ANKRD30A: variants seen among roughly 807,000 people sequenced by gnomAD.
ANKRD30A encodes the protein ankyrin repeat domain 30A.
In ANKRD30A, 170 loss-of-function variants were observed where a neutral mutation model predicts 166.3. The observed-to-expected ratio is 1.02, with a 90% CI of 0.90 to 1.16. The LOEUF is 1.16. ANKRD30A is among the 50% of genes most tolerant of loss of function. ANKRD30A has a pLI of 0.00. For synonymous variants in ANKRD30A, 564 were observed against 508.9 expected, an observed-to-expected ratio of 1.11 and a Z score of -1.46; for missense variants, 1,630 against 1,518.0, an observed-to-expected ratio of 1.07 and a Z score of -1.23.
intron 25 of ANKRD30A, among the ~76,000 whole-genome samples, chr10:37,190,275 T>C (rs1007078406): frequency 6.6e-6 from 1 of 151,904 alleles, no homozygotes. Context: ...TCTCAGGTGA[T>C]GCTGATGCTG....
the ANKRD30A span, among the ~76,000 whole-genome samples, chr10:37,251,799 G>A: frequency 6.6e-6 from 1 of 152,140 alleles, no homozygotes; most frequent in Non-Finnish European, 1.5e-5. Flanking sequence ...ATTTTAGAGA[G>A]AATTTTCAAA....
At chr10:37,218,948 T>C in intron 33 of ANKRD30A, 32 bp from the exon 34 acceptor site, 1 of 1,386,984 alleles carries the variant, frequency 7.2e-7, no homozygotes, top group Non-Finnish European at 9.9e-7. Context: ...TTTTATTGAG[T>C]GCTAGCTAAA....
At chr10:37,133,094 A>G (rs1836474605) in intron 4 of ANKRD30A, among the ~76,000 whole-genome samples, 1 of 152,124 alleles carries the variant, frequency 6.6e-6, no homozygotes, top group East Asian at 1.9e-4. Flanking sequence ...GAAGAATATT[A>G]ATTTTAGGTT....
chr10:37,261,981 C>T, the ANKRD30A span: 5 of 153,028 alleles, frequency 3.3e-5, no homozygotes, highest in African/African-American at 1.2e-4. Flanking sequence ...GTGGCTTGTA[C>T]TTCTCTAAAC....
the ANKRD30A span, among the ~76,000 whole-genome samples, chr10:37,253,649 C>CTTTTTTT: frequency 1.5e-5 from 2 of 130,030 alleles, no homozygotes; most frequent in African/African-American, 2.8e-5. Context: ...TTTTCTTTTT[C>CTTTTTTT]TTTTTTTTTT....
downstream of ANKRD30A, chr10:37,232,631 A>T (rs1266988174): frequency 1.8e-5 from 2 of 113,950 alleles, no homozygotes; most frequent in Non-Finnish European, 3.7e-5. Context: ...CAATGACAAG[A>T]TGTATAAATT....
At position 37,219,387 on chromosome 10, in the gene ANKRD30A, T is replaced by C. The variant is rs1242624746; in HGVS notation, c.3675T>C (p.Ile1225=). The C allele has an allele frequency of 1.9e-6, 3 of 1,610,470 alleles. No homozygotes were observed. In the Admixed American group the frequency reaches 5.0e-5, roughly 27 times the overall value. Residue 1225 remains isoleucine, a synonymous_variant, in exon 34 of 36, where the codon ATT becomes ATC. Coordinates refer to ENST00000361713, the MANE Select transcript of ANKRD30A (RefSeq NM_052997.3). The part of the protein sequence containing the change: ...SRKSQEPAFH[I]AGDACLQRKM... ...AAAGTCAAGAACCTGCTTTCCACAT[T>C]GCAGGAGATGCTTGTTTGCAAAGAA... is the stretch of plus-strand genomic sequence containing the variant.
Position 37,231,473 on chromosome 10 carries a change from A to G in ANKRD30A, c.*4A>G. ...GCAATCTTCACAGAACTCATGAGAG[A>G]CAAGCAGTAAGAAACTTCTTTTGGA... On this transcript the variant is annotated 3_prime_UTR_variant, in exon 35 of 36. Transcript: ENST00000361713. 6.3e-7 allele frequency: 1 copy of G among 1,586,582 alleles called. No individual in the cohort carries two copies. Among genetic ancestry groups the G allele is most frequent in the Non-Finnish European group, 8.6e-7 (1 of 1,164,854 alleles).
At chr10:37,203,258 C>G (rs143144311) in intron 31 of ANKRD30A, among the ~76,000 whole-genome samples, 2 of 152,178 alleles carry the variant, frequency 1.3e-5, no homozygotes, top group Admixed American at 1.3e-4. Context: ...CAAACCGAAT[C>G]CAGCAGCACA....
chr10:37,157,004 G>A (rs1208390631), intron 13 of ANKRD30A, among the ~76,000 whole-genome samples: 1 of 151,858 alleles, frequency 6.6e-6, no homozygotes, highest in Non-Finnish European at 1.5e-5. Context: ...ATCTCTCAAG[G>A]GAAACAACAT....
chr10:37,243,271 A>T, the ANKRD30A span, among the ~76,000 whole-genome samples: 3 of 148,806 alleles, frequency 2.0e-5, no homozygotes, highest in African/African-American at 2.5e-5. Context: ...AGTAGCTGGG[A>T]CTACAGGCGC....
the ANKRD30A span, among the ~76,000 whole-genome samples, chr10:37,239,349 A>G: frequency 3.3e-5 from 5 of 152,062 alleles, no homozygotes; most frequent in Admixed American, 6.6e-5. Flanking sequence ...TCTGAAATCT[A>G]TGTGTTTATA....
At chr10:37,231,972 T>C (rs1269683834) in intron 35 of ANKRD30A, among the ~76,000 whole-genome samples, 1 of 152,082 alleles carries the variant, frequency 6.6e-6, no homozygotes, top group East Asian at 1.9e-4. Flanking sequence ...TATTATTTCC[T>C]AGTAACTAAA....
In ANKRD30A at chr10:37,219,853, A is replaced by G; in HGVS notation, c.4141A>G (p.Lys1381Glu). 6.3e-7 allele frequency: 1 copy of G among 1,578,790 alleles called. No homozygotes were observed. The highest frequency in any genetic ancestry group is 1.2e-5 in the South Asian group (1 of 86,276). ...EEIFNYNNHLKNRIYQYEKEK... is the reference protein window; with the variant it reads ...EEIFNYNNHLENRIYQYEKEK... ...GATATTTAATTACAATAACCATTTA[A>G]AAAACCGTATATATCAATATGAAAA... is the stretch of plus-strand genomic sequence containing the variant. Residue 1381 changes from lysine to glutamate, a missense_variant, in exon 34 of 36, where the codon AAA becomes GAA. By Grantham distance (56) the Lys-to-Glu change is moderately conservative. Coordinates refer to ENST00000361713, the MANE Select transcript of ANKRD30A (RefSeq NM_052997.3).
chr10:37,147,220 C>G (rs752297464), intron 8 of ANKRD30A, 150 bp from the exon 9 acceptor site: 26 of 588,614 alleles, frequency 4.4e-5, no homozygotes, highest in Non-Finnish European at 4.7e-5. Context: ...GTGAGGGTTT[C>G]TATCAAAATG....
chr10:37,171,283 A>G (rs566055877), intron 21 of ANKRD30A, among the ~76,000 whole-genome samples: 3 of 143,314 alleles, frequency 2.1e-5, no homozygotes, highest in East Asian at 2.0e-4. Context: ...CCTAGCCACT[A>G]AAAGTCGACA....
At chr10:37,202,814 C>T (rs936747145) in intron 31 of ANKRD30A, among the ~76,000 whole-genome samples, 11 of 152,052 alleles carry the variant, frequency 7.2e-5, no homozygotes, top group East Asian at 1.9e-4. Flanking sequence ...ATATCACCAC[C>T]GATCCCACAG....
chr10:37,232,657 TATA>T (rs1564604483), downstream of ANKRD30A: 1 of 2,120 alleles, frequency 4.7e-4, no homozygotes, highest in African/African-American at 1.3e-3. Flanking sequence ...ATTGGTTTTA[TATA>T]TATATATATA....
At chr10:37,142,336 T>G in intron 7 of ANKRD30A, 46 bp downstream of exon 7, 2 of 1,516,138 alleles carry the variant, frequency 1.3e-6, no homozygotes, top group Non-Finnish European at 1.8e-6. Context: ...GCACTTCAGG[T>G]TCCCTAGTGA....
Sources: gnomAD v4.1 joint callset for allele counts (sites outside exome capture counted in the v4.1 genomes callset) on GRCh38, gnomAD v4.1.1 for gene constraint, MANE v1.5 for transcripts, NCBI Gene and HGNC (gene_info 2026-07-23, HGNC 2026-07-21) for gene names.